The following STIP1 variants were observed in gnomAD, a reference collection of about 807,000 sequenced individuals.
STIP1 encodes the protein stress-induced-phosphoprotein 1.
Under a neutral mutation model 77.4 loss-of-function variants are expected in STIP1, and 16 were observed. The ratio of observed to expected loss-of-function variants is 0.21; its 90% CI spans 0.14 to 0.31. STIP1 has a LOEUF of 0.31. Ranked by LOEUF, STIP1 falls within the 10% of genes least tolerant of loss-of-function variation. The probability of loss-of-function intolerance (pLI) is 1.00; values close to 1 mark genes in which losing one functional copy is unlikely to be tolerated. For synonymous variants in STIP1, 258 were observed against 246.6 expected (o/e 1.05, Z -0.44); for missense variants, 524 against 684.8 (o/e 0.77, Z 2.62).
chr11:64,201,921 T>C lies in STIP1; in HGVS notation c.1246-955T>C, dbSNP rs577581249. Among the ~76,000 whole-genome samples, 23 of 152,370 alleles carry C rather than the reference T, an allele frequency of 1.5e-4. No homozygotes were observed. In the East Asian group the frequency reaches 2.9e-3, roughly 19 times the overall value. ...TTCTCTTCCTCATCATTTCTCACTT[T>C]GAAGATGTTTCAAAGAGAAGAATAC... On this transcript the variant is annotated intron_variant, in intron 10 of 13. Coordinates refer to ENST00000305218, the MANE Select transcript of STIP1 (RefSeq NM_006819.3).
intron 1 of STIP1, among the ~76,000 whole-genome samples, chr11:64,189,438 A>C (rs1163979039): frequency 6.6e-6 from 1 of 152,128 alleles, no homozygotes; most frequent in Non-Finnish European, 1.5e-5. Flanking sequence ...GAGGCAGGAC[A>C]ATTGCTTGAA....
At chr11:64,198,753 G>GTTTTTTTTTTTTTTTTTTTTTTTTGTT (rs371481270) in intron 8 of STIP1, among the ~76,000 whole-genome samples, 3 of 111,056 alleles carry the variant, frequency 2.7e-5, no homozygotes, top group Non-Finnish European at 3.6e-5. Flanking sequence ...TTTTTTTGTG[G>GTTTTTTTTTTTTTTTTTTTTTTTTGTT]TTTTTTTTTT....
intron 1 of STIP1, among the ~76,000 whole-genome samples, chr11:64,189,814 C>A (rs764953524): frequency 6.6e-6 from 1 of 152,156 alleles, no homozygotes; most frequent in South Asian, 2.1e-4. Flanking sequence ...GCAGGAACTT[C>A]ACCAGCTGCC....
At position 64,204,197 on chromosome 11, in the gene STIP1, G is replaced by A; in HGVS notation, c.*71G>A. The A allele has an allele frequency of 6.7e-7, 1 of 1,497,256 alleles. No individual in the cohort carries two copies. The highest frequency in any genetic ancestry group is 9.2e-7 in the Non-Finnish European group (1 of 1,081,944). The allele number at this position is 1,497,256 out of a possible 1,614,324, so 92.7% of individuals were successfully genotyped here. A position where few individuals can be genotyped will look rare whatever the true frequency, so the allele number is the denominator to read the frequency against. Reference sequence around the variant, plus strand: ...AGCTGGGACCGCGGCGAGCAGCACGGAGCGGAAGGGAGAGCAGGGGAGAGA... The same window carrying A: ...AGCTGGGACCGCGGCGAGCAGCACGAAGCGGAAGGGAGAGCAGGGGAGAGA... On this transcript the variant is annotated 3_prime_UTR_variant, in exon 14 of 14. Coordinates refer to ENST00000305218, the MANE Select transcript of STIP1 (RefSeq NM_006819.3).
chr11:64,188,648 A>G (rs1946056326), intron 1 of STIP1, among the ~76,000 whole-genome samples: 2 of 152,170 alleles, frequency 1.3e-5, no homozygotes, highest in Admixed American at 6.5e-5. Context: ...CTTCATTAGC[A>G]CTAGGATTAC....
At chr11:64,192,555 T>C (rs1176148828) in intron 1 of STIP1, among the ~76,000 whole-genome samples, 1 of 152,216 alleles carries the variant, frequency 6.6e-6, no homozygotes, top group African/African-American at 2.4e-5. Context: ...TCTTCCCTGA[T>C]GGGAGGAGAT....
intron 2 of STIP1, 28 bp from the exon 3 acceptor site, chr11:64,194,161 A>G (rs1460424759): frequency 7.5e-6 from 12 of 1,598,042 alleles, no homozygotes; most frequent in South Asian, 1.1e-5. Flanking sequence ...GGTGTTCTCT[A>G]TTTTGTGTCT....
At chr11:64,197,774 C>G in intron 7 of STIP1, 80 bp from the exon 8 acceptor site, 1 of 1,579,518 alleles carries the variant, frequency 6.3e-7, no homozygotes, top group Non-Finnish European at 8.6e-7. Context: ...GCGGGCCTTT[C>G]TAGCTGCAGG....
At chr11:64,193,835 C>G (rs1946118669) in intron 2 of STIP1, among the ~76,000 whole-genome samples, 1 of 152,108 alleles carries the variant, frequency 6.6e-6, no homozygotes, top group Admixed American at 6.5e-5. Context: ...ATAATCCCAG[C>G]ACTTTGGGAG....
chr11:64,195,863 A>C, intron 5 of STIP1, 50 bp downstream of exon 5: 2 of 1,609,738 alleles, frequency 1.2e-6, no homozygotes, highest in Non-Finnish European at 1.7e-6. Flanking sequence ...ACAACTAGAA[A>C]TCTTTATGTT....
intron 2 of STIP1, 73 bp downstream of exon 2, chr11:64,193,360 T>A: frequency 2.1e-6 from 3 of 1,410,618 alleles, no homozygotes; most frequent in Non-Finnish European, 3.0e-6. Flanking sequence ...GCCTGAGGTT[T>A]ACCTGTCCTG....
intron 11 of STIP1, 92 bp from the exon 12 acceptor site, chr11:64,203,033 A>C: frequency 6.3e-7 from 1 of 1,590,556 alleles, no homozygotes; most frequent in South Asian, 1.1e-5. Flanking sequence ...CAACATCAGC[A>C]GGTGTGAACA....
chr11:64,197,739 G>A (rs749283393), intron 7 of STIP1, 115 bp from the exon 8 acceptor site: 102 of 1,554,142 alleles, frequency 6.6e-5, no homozygotes, highest in Middle Eastern at 2.2e-4. Context: ...CCAGAGACAA[G>A]ACAAAAGGTG....
intron 8 of STIP1, among the ~76,000 whole-genome samples, chr11:64,199,609 C>G (rs988103806): frequency 7.3e-5 from 10 of 136,890 alleles, no homozygotes; most frequent in African/African-American, 2.8e-4. Context: ...GTCACCCAGG[C>G]TGGAGTGCAG....
intron 1 of STIP1, among the ~76,000 whole-genome samples, chr11:64,188,336 T>TC (rs1472465884): frequency 2.2e-5 from 3 of 138,980 alleles, no homozygotes; most frequent in Non-Finnish European, 4.7e-5. Context: ...AGAGTGAGAC[T>TC]CCATCTCAAA....
In STIP1 at chr11:64,199,855, G is replaced by A. The variant is rs1214956021; in HGVS notation, c.1024-85G>A. On this transcript the variant is annotated intron_variant, in intron 8 of 13. Coordinates refer to ENST00000305218, the MANE Select transcript of STIP1 (RefSeq NM_006819.3). ...TGGGATCACAGGCGTGAGCCACCGC[G>A]CCCGGCCCCTAATGTGATTTTTAAG... 12 of 1,519,752 alleles carry A rather than the reference G, an allele frequency of 7.9e-6. No individual in the cohort carries two copies. In the East Asian group the frequency reaches 1.5e-4, roughly 19 times the overall value. The allele number at this position is 1,519,752 out of a possible 1,614,324, so 94.1% of individuals were successfully genotyped here.
chr11:64,185,850 A>G, upstream of STIP1: 1 of 1,536,096 alleles, frequency 6.5e-7, no homozygotes, highest in Non-Finnish European at 8.7e-7. Flanking sequence ...CCAATGGGAG[A>G]GGTGGAAATT....
upstream of STIP1, chr11:64,185,452 C>A (rs1336944749): frequency 7.2e-6 from 2 of 276,778 alleles, no homozygotes; most frequent in Non-Finnish European, 1.4e-5. Context: ...AACCTAACAG[C>A]CAGGAGGCAG....
rs779012872 is a variant in STIP1 at position 64,203,462 on chromosome 11, G to T, written c.1399G>T (p.Gly467Cys). 6.2e-7 allele frequency: 1 copy of T among 1,614,002 alleles called. No homozygotes were observed. The highest frequency in any genetic ancestry group is 2.2e-5 in the East Asian group (1 of 44,878). Residue 467 changes from glycine to cysteine, a missense_variant, in exon 13 of 14, where the codon GGC (glycine) becomes TGC (cysteine). Physicochemically the swap from Gly to Cys is radical, Grantham distance 159. Transcript: ENST00000305218. ...TTCTGGACTGCAGGAGGCGGCAGACGGCTACCAGCGCTGTATGATGGCGCA... is the reference window on the plus strand; with the variant it reads ...TTCTGGACTGCAGGAGGCGGCAGACTGCTACCAGCGCTGTATGATGGCGCA... ...LDSSCKEAADGYQRCMMAQYN... is the reference protein window; with the variant it reads ...LDSSCKEAADCYQRCMMAQYN...
Sources: allele counts gnomAD v4.1 joint callset (sites outside exome capture counted in the v4.1 genomes callset), GRCh38; gene constraint gnomAD v4.1.1; transcripts MANE v1.5; gene names NCBI Gene and HGNC (gene_info 2026-07-23, HGNC 2026-07-21).